The following ARHGAP29 variants were observed in gnomAD, a reference collection of about 807,000 sequenced individuals.
ARHGAP29 encodes Rho GTPase activating protein 29, also known as rho GTPase-activating protein 29.
ARHGAP29 carries 43 observed loss-of-function variants against 122.6 expected under a neutral mutation model. The ratio of observed to expected loss-of-function variants is 0.35; its 90% CI spans 0.27 to 0.45. ARHGAP29 has a LOEUF of 0.45. ARHGAP29 is among the 20% of genes least tolerant of loss of function. The probability of loss-of-function intolerance (pLI) is 1.00; values close to 1 mark genes in which losing one functional copy is unlikely to be tolerated. For missense variants in ARHGAP29, 1,303 were observed against 1,477.2 expected, an observed-to-expected ratio of 0.88 and a Z score of 1.93; for synonymous variants, 506 against 497.1, an observed-to-expected ratio of 1.02 and a Z score of -0.24.
intron 1 of ARHGAP29, among the ~76,000 whole-genome samples, chr1:94,255,001 C>T (rs567459542): frequency 2.6e-5 from 4 of 152,302 alleles, no homozygotes; most frequent in African/African-American, 7.2e-5. Flanking sequence ...GGGAAAATTT[C>T]TTGAGAACAA....
At chr1:94,203,839 A>G in intron 8 of ARHGAP29, 91 bp downstream of exon 8, 5 of 1,048,712 alleles carry the variant, frequency 4.8e-6, no homozygotes, top group Non-Finnish European at 7.2e-6. Flanking sequence ...GTGCTTTCCT[A>G]TATTAACTGA....
intron 1 of ARHGAP29, among the ~76,000 whole-genome samples, chr1:94,232,265 T>TTAC (rs72512595): frequency 4.0e-5 from 6 of 151,690 alleles, no homozygotes; most frequent in African/African-American, 1.5e-4. Flanking sequence ...TCTCATGAGA[T>TTAC]TGTAGGGATT....
intron 2 of ARHGAP29, among the ~76,000 whole-genome samples, chr1:94,224,403 T>C (rs1186545931): frequency 6.6e-6 from 1 of 152,164 alleles, no homozygotes; most frequent in African/African-American, 2.4e-5. Flanking sequence ...AAGAGCTTGA[T>C]TTTCAGAATG....
intron 1 of ARHGAP29, among the ~76,000 whole-genome samples, chr1:94,256,004 CATT>C (rs531286438): frequency 7.2e-5 from 11 of 152,200 alleles, no homozygotes; most frequent in Non-Finnish European, 1.6e-4. Context: ...CTGCTACACA[CATT>C]AACTCAGTCT....
chr1:94,265,877 G>C (rs1055266177), intron 1 of ARHGAP29, among the ~76,000 whole-genome samples: 1 of 152,202 alleles, frequency 6.6e-6, no homozygotes, highest in Non-Finnish European at 1.5e-5. Flanking sequence ...AAAATCAAAA[G>C]AGTGAGGATA....
chr1:94,212,586 A>AT (rs960777933), intron 3 of ARHGAP29, among the ~76,000 whole-genome samples: 4 of 152,122 alleles, frequency 2.6e-5, no homozygotes, highest in East Asian at 1.9e-4. Flanking sequence ...ACTTTCTTGT[A>AT]TTTTTTTATC....
At chr1:94,215,610 T>C (rs1488933465) in intron 3 of ARHGAP29, among the ~76,000 whole-genome samples, 1 of 152,130 alleles carries the variant, frequency 6.6e-6, no homozygotes, top group Non-Finnish European at 1.5e-5. Flanking sequence ...ACTTAGATAC[T>C]TTACAATGTT....
chr1:94,203,273 C>T, intron 8 of ARHGAP29, 63 bp from the exon 9 acceptor site: 1 of 1,136,188 alleles, frequency 8.8e-7, no homozygotes, highest in Non-Finnish European at 1.2e-6. Context: ...CCAAACACAT[C>T]ACTACCCTTC....
chr1:94,199,705 C>T (rs1650714744), intron 12 of ARHGAP29, among the ~76,000 whole-genome samples: 1 of 152,190 alleles, frequency 6.6e-6, no homozygotes, highest in East Asian at 1.9e-4. Context: ...CTAGCCAATC[C>T]TAAACAGTTT....
chr1:94,247,446 G>A (rs1000525299), intron 1 of ARHGAP29, among the ~76,000 whole-genome samples: 14 of 151,508 alleles, frequency 9.2e-5, no homozygotes, highest in Admixed American at 1.3e-4. Context: ...CTGCCTCGCC[G>A]GGCGCGCCCC....
Position 94,231,586 on chromosome 1 carries a change from G to A in ARHGAP29, c.26C>T (p.Thr9Ile). The A allele has an allele frequency of 4.3e-6, 7 of 1,613,144 alleles. No homozygotes were observed. The highest frequency in any genetic ancestry group is 5.9e-6 in the Non-Finnish European group (7 of 1,179,538). ...TGATGCCCAAGCACGTTTTTTCTTT[G>A]TCTTTTTCTGTTTGTGAGCAATCAT... MIAHKQKK[T>I]KKKRAWASGQ... Residue 9 changes from threonine to isoleucine, a missense_variant, in exon 2 of 23, where the codon ACA (threonine) becomes ATA (isoleucine). This residue lies in a region of ARHGAP29 where 592 missense variants were observed against 648.2 expected (regional missense o/e 0.91). Transcript: ENST00000260526.
upstream of ARHGAP29, among the ~76,000 whole-genome samples, chr1:94,276,925 G>A (rs563502745): frequency 1.6e-4 from 24 of 151,756 alleles, no homozygotes; most frequent in South Asian, 4.4e-3. Flanking sequence ...CCTGGCTTCC[G>A]GGCACTGCAA....
chr1:94,175,447 CT>C (rs1360679153), intron 22 of ARHGAP29, among the ~76,000 whole-genome samples: 1 of 152,140 alleles, frequency 6.6e-6, no homozygotes, highest in African/African-American at 2.4e-5. Flanking sequence ...CTCCATTCTC[CT>C]GCTTTTCTGT....
At chr1:94,263,384 A>T (rs932229326) in intron 1 of ARHGAP29, among the ~76,000 whole-genome samples, 21 of 121,394 alleles carry the variant, frequency 1.7e-4, no homozygotes, top group African/African-American at 6.5e-4. Context: ...TGTACTCCTG[A>T]ACTTAAAAGT....
chr1:94,278,583 G>A (rs979103857), upstream of ARHGAP29, among the ~76,000 whole-genome samples: 5 of 152,192 alleles, frequency 3.3e-5, no homozygotes, highest in African/African-American at 4.8e-5. Context: ...CCTGGTGCAC[G>A]TGTATGCATG....
At chr1:94,289,523 A>ACT in the ARHGAP29 span, among the ~76,000 whole-genome samples, 1 of 152,198 alleles carries the variant, frequency 6.6e-6, no homozygotes, top group Admixed American at 6.5e-5. Context: ...AACTTCCAAC[A>ACT]CTATGTTGAA....
intron 1 of ARHGAP29, among the ~76,000 whole-genome samples, chr1:94,271,669 C>T (rs953993299): frequency 6.6e-6 from 1 of 152,160 alleles, no homozygotes; most frequent in Non-Finnish European, 1.5e-5. Context: ...TCCTTCAGGA[C>T]ACAGGACGTC....
chr1:94,253,238 G>T (rs1435783963), intron 1 of ARHGAP29, among the ~76,000 whole-genome samples: 3 of 152,064 alleles, frequency 2.0e-5, no homozygotes, highest in Non-Finnish European at 2.9e-5. Context: ...CTAAGTGCTG[G>T]AATTACAGGT....
At chr1:94,208,746 C>T (rs997261744) in intron 5 of ARHGAP29, 86 bp downstream of exon 5, 1 of 1,354,624 alleles carries the variant, frequency 7.4e-7, no homozygotes, top group African/African-American at 1.4e-5. Context: ...AGGTATGAGC[C>T]ACCACCCCCG....
Sources: allele counts gnomAD v4.1 joint callset (sites outside exome capture counted in the v4.1 genomes callset), GRCh38; gene constraint gnomAD v4.1.1; regional missense constraint gnomAD v4.1.1; transcripts MANE v1.5; gene names NCBI Gene and HGNC (gene_info 2026-07-23, HGNC 2026-07-21).